The following FCHO2 variants were observed in gnomAD, a reference collection of about 807,000 sequenced individuals.
FCHO2 encodes the protein FCH and mu domain containing endocytic adaptor 2, also known as F-BAR domain only protein 2.
In FCHO2, 43 loss-of-function variants were observed where a neutral mutation model predicts 114.1. That is an observed-to-expected ratio of 0.38 (90% confidence interval 0.30 to 0.49). The LOEUF (loss-of-function observed/expected upper bound fraction) is 0.49. Among genes scored for constraint, FCHO2 ranks in the 20% least tolerant of loss-of-function variants. The pLI is 0.97. For missense variants in FCHO2, 807 were observed against 950.4 expected, an observed-to-expected ratio of 0.85 and a Z score of 1.98; for synonymous variants, 293 against 315.2, an observed-to-expected ratio of 0.93 and a Z score of 0.75.
intron 2 of FCHO2, among the ~76,000 whole-genome samples, chr5:72,980,563 A>G (rs1753148545): frequency 6.6e-6 from 1 of 152,044 alleles, no homozygotes; most frequent in Non-Finnish European, 1.5e-5. Context: ...GTCTCCCACT[A>G]TTATTGTGTG....
chr5:72,990,758 A>G lies in FCHO2; in HGVS notation c.389A>G (p.Gln130Arg). ...ACTCTGGAAGCTGTCCAAACCATTC[A>G]GAGCATAACTCAGGCCCTCCAGAAA... is the stretch of plus-strand genomic sequence containing the variant. ...AGTLEAVQTI[Q>R]SITQALQKSK... is the part of the protein sequence containing the mutation. The change falls in exon 5 of 26, where the codon CAG becomes CGG. Residue 130 changes from glutamine (Q) to arginine (R), a missense_variant. Gln to Arg is a conservative substitution (Grantham distance 43, BLOSUM62 1). Coordinates refer to ENST00000430046, the MANE Select transcript of FCHO2 (RefSeq NM_138782.3). The G allele has an allele frequency of 1.3e-6, 2 of 1,557,900 alleles. No homozygotes were observed. Among genetic ancestry groups the G allele is most frequent in the Non-Finnish European group, 1.7e-6 (2 of 1,150,080 alleles).
chr5:73,062,074 C>T (rs748145506), intron 17 of FCHO2, among the ~76,000 whole-genome samples: 19 of 152,082 alleles, frequency 1.2e-4, no homozygotes, highest in Non-Finnish European at 2.5e-4. Context: ...TTATACTTCA[C>T]AGGTCAATTT....
intron 6 of FCHO2, among the ~76,000 whole-genome samples, chr5:73,011,349 A>G (rs986791585): frequency 6.6e-6 from 1 of 152,190 alleles, no homozygotes; most frequent in African/African-American, 2.4e-5. Context: ...AATTTTAAAC[A>G]TTTTGACTCT....
At chr5:72,997,649 C>A in intron 5 of FCHO2, 1 of 1,493,464 alleles carries the variant, frequency 6.7e-7, no homozygotes, top group Non-Finnish European at 9.3e-7. Flanking sequence ...CTGGTGACAG[C>A]TGCTCCCCCT....
chr5:72,987,684 G>T (rs961391260), intron 2 of FCHO2, among the ~76,000 whole-genome samples: 2 of 152,102 alleles, frequency 1.3e-5, no homozygotes, highest in African/African-American at 4.8e-5. Flanking sequence ...TCTTTACCTT[G>T]CTGTTAAACT....
intron 5 of FCHO2, among the ~76,000 whole-genome samples, chr5:72,992,821 G>T (rs998233020): frequency 6.6e-6 from 1 of 152,096 alleles, no homozygotes; most frequent in African/African-American, 2.4e-5. Context: ...GGTGGCAGGA[G>T]ATAACCTGAA....
intron 2 of FCHO2, among the ~76,000 whole-genome samples, chr5:72,973,960 A>G (rs1390375205): frequency 3.3e-5 from 5 of 150,200 alleles, no homozygotes; most frequent in Non-Finnish European, 7.4e-5. Flanking sequence ...TTCGTTATGT[A>G]CCCAGTAGTC....
At chr5:73,066,283 A>T (rs1301434038) in intron 18 of FCHO2, among the ~76,000 whole-genome samples, 1 of 151,858 alleles carries the variant, frequency 6.6e-6, no homozygotes, top group Non-Finnish European at 1.5e-5. Context: ...GTGGCTACAG[A>T]GTATTTCAAT....
intron 1 of FCHO2, among the ~76,000 whole-genome samples, chr5:72,968,111 A>T (rs1752304681): frequency 6.6e-6 from 1 of 151,456 alleles, no homozygotes. Context: ...TTTTAAGTAG[A>T]GACGGGGTTT....
chr5:73,018,251 A>G (rs1365793587), intron 8 of FCHO2, among the ~76,000 whole-genome samples: 2 of 152,086 alleles, frequency 1.3e-5, no homozygotes, highest in African/African-American at 2.4e-5. Context: ...ATTCAATTGT[A>G]TTAGTATTTT....
chr5:72,980,073 G>C (rs1753118138), intron 2 of FCHO2, among the ~76,000 whole-genome samples: 1 of 152,058 alleles, frequency 6.6e-6, no homozygotes, highest in South Asian at 2.1e-4. Context: ...GCTTTCTCTT[G>C]TGGGCATTTA....
In FCHO2 at chr5:73,017,200, T is replaced by C; in HGVS notation, c.700-12T>C. On this transcript the variant is annotated splice_polypyrimidine_tract_variant and intron_variant, in intron 7 of 25. Coordinates refer to ENST00000430046, the MANE Select transcript of FCHO2 (RefSeq NM_138782.3). ...GGAAAAAGAAAAAGTTATCTTTATT[T>C]CATTTTAATAGGTCCATGAAGAATT... is the stretch of plus-strand genomic sequence containing the variant. 1 of 1,405,740 alleles carries C rather than the reference T, an allele frequency of 7.1e-7. No individual in the cohort carries two copies. The allele number at this position is 1,405,740 out of a possible 1,614,324, so 87.1% of individuals were successfully genotyped here.
chr5:73,087,423 T>C (rs1213097440), intron 24 of FCHO2, among the ~76,000 whole-genome samples, 166 bp from the exon 25 acceptor site: 2 of 152,242 alleles, frequency 1.3e-5, no homozygotes, highest in Non-Finnish European at 2.9e-5. Context: ...AAAATTGATA[T>C]TCACTAAAAA....
Position 73,068,736 on chromosome 5 carries a change from C to T in FCHO2, c.1536C>T (p.Ile512=). The T allele has an allele frequency of 6.2e-7, 1 of 1,612,390 alleles. No homozygotes were observed. The highest frequency in any genetic ancestry group is 1.7e-4 in the Middle Eastern group (1 of 6,044). The change falls in exon 19 of 26, where the codon ATC becomes ATT. Residue 512 remains isoleucine (I), a synonymous_variant. Transcript: ENST00000430046. The part of the protein sequence containing the change: ...PLARAESSSS[I]SSSASLSAAN... ...CCCGGGCAGAAAGTTCTTCTTCTATCTCATCATCTGCTTCATTGAGTGCTG... is the reference window on the plus strand; with the variant it reads ...CCCGGGCAGAAAGTTCTTCTTCTATTTCATCATCTGCTTCATTGAGTGCTG...
At chr5:72,978,892 T>TCATTG (rs1189443351) in intron 2 of FCHO2, among the ~76,000 whole-genome samples, 1 of 152,236 alleles carries the variant, frequency 6.6e-6, no homozygotes, top group African/African-American at 2.4e-5. Flanking sequence ...ATTGATTCTG[T>TCATTG]TTATGTGATG....
intron 9 of FCHO2, among the ~76,000 whole-genome samples, chr5:73,036,835 A>C (rs974255822): frequency 3.3e-5 from 5 of 152,290 alleles, no homozygotes; most frequent in African/African-American, 1.2e-4. Context: ...CTTTCTTTGA[A>C]GTTTTAAGAT....
intron 20 of FCHO2, 52 bp from the exon 21 acceptor site, chr5:73,077,285 TA>T: frequency 6.6e-7 from 1 of 1,510,514 alleles, no homozygotes; most frequent in Non-Finnish European, 8.9e-7. Context: ...CCAAATACTT[TA>T]AATAGAGATT....
chr5:73,023,936 T>C (rs1284541952), intron 8 of FCHO2, among the ~76,000 whole-genome samples: 1 of 152,232 alleles, frequency 6.6e-6, no homozygotes, highest in Non-Finnish European at 1.5e-5. Context: ...ACTCAACAAA[T>C]ATACAGTTAT....
intron 12 of FCHO2, among the ~76,000 whole-genome samples, chr5:73,051,864 C>T (rs2112836089): frequency 6.6e-6 from 1 of 152,224 alleles, no homozygotes; most frequent in East Asian, 1.9e-4. Context: ...GCTAACCCGA[C>T]TGGCCTTGAC....
Sources: gnomAD v4.1 joint callset for allele counts (sites outside exome capture counted in the v4.1 genomes callset) on GRCh38, gnomAD v4.1.1 for gene constraint, MANE v1.5 for transcripts, NCBI Gene and HGNC (gene_info 2026-07-23, HGNC 2026-07-21) for gene names.